GALNT10: variants seen among roughly 807,000 people sequenced by gnomAD.
GALNT10 encodes the protein GalNAc transferase 10.
A neutral mutation model predicts 75.0 loss-of-function variants in GALNT10; 41 were observed. The observed-to-expected ratio is 0.55, with a 90% CI of 0.43 to 0.71. The LOEUF is 0.71. Among genes scored for constraint, GALNT10 ranks in the 30% least tolerant of loss-of-function variants. The pLI, the probability that GALNT10 is intolerant of heterozygous loss-of-function variation, is 0.00. For synonymous variants in GALNT10, 302 were observed against 313.0 expected, an observed-to-expected ratio of 0.96 and a Z score of 0.37; for missense variants, 727 against 818.5, an observed-to-expected ratio of 0.89 and a Z score of 1.36.
chr5:154,322,762 T>TC (rs897754753), intron 3 of GALNT10, among the ~76,000 whole-genome samples: 2 of 151,946 alleles, frequency 1.3e-5, no homozygotes, highest in Non-Finnish European at 1.5e-5. Flanking sequence ...TTCCTGAGAC[T>TC]CCCCCTCCTG....
chr5:154,382,005 C>T (rs1050186968), intron 6 of GALNT10, among the ~76,000 whole-genome samples: 9 of 152,204 alleles, frequency 5.9e-5, no homozygotes, highest in South Asian at 2.1e-4. Context: ...TCACAGGTTC[C>T]GGAGATTCAG....
intron 6 of GALNT10, among the ~76,000 whole-genome samples, chr5:154,381,049 G>A (rs1274087734): frequency 6.6e-6 from 1 of 152,142 alleles, no homozygotes; most frequent in African/African-American, 2.4e-5. Context: ...TTTCCAAATG[G>A]GGACACCAAT....
chr5:154,404,498 G>A lies in GALNT10; in HGVS notation c.1164+287G>A, dbSNP rs115752539. Among the ~76,000 whole-genome samples the A allele has an allele frequency of 3.3e-3, 507 of 152,334 alleles. 3 individuals are homozygous for A. Among genetic ancestry groups the A allele is most frequent in the African/African-American group, 0.012 (479 of 41,572 alleles). On this transcript the variant is annotated intron_variant, in intron 8 of 11. Coordinates refer to ENST00000297107, the MANE Select transcript of GALNT10 (RefSeq NM_198321.4). The stretch of plus-strand genomic sequence containing the variant: ...CTCCCAGCATTGCCAGGAGAATTAA[G>A]GAGGTGATACTGTTTCCCAGAGTGT...
At position 154,337,540 on chromosome 5, in the gene GALNT10, C is replaced by G. The variant is rs545503250; in HGVS notation, c.568+7802C>G. ...TAGGCACCTTGGTTTCATGGTTTGG[C>G]GAAGTATTGGCCTCCATCACCATAG... On this transcript the variant is annotated intron_variant, in intron 4 of 11. Coordinates refer to ENST00000297107, the MANE Select transcript of GALNT10 (RefSeq NM_198321.4). The G allele has an allele frequency of 8.0e-6, 6 of 748,896 alleles. No individual in the cohort carries two copies. The Admixed American group carries it at 8.6e-5, about 11-fold the overall frequency. 46.4% of individuals were successfully genotyped at this position (748,896 alleles called of 1,614,324 possible).
chr5:154,385,219 C>T (rs77872501), intron 6 of GALNT10, among the ~76,000 whole-genome samples: 11,583 of 152,242 alleles, frequency 0.076, 603 homozygotes, highest in Middle Eastern at 0.19. Context: ...ACTCTGATAG[C>T]TTTTCACACA....
intron 5 of GALNT10, among the ~76,000 whole-genome samples, chr5:154,378,509 G>A (rs1755690142): frequency 6.6e-6 from 1 of 152,178 alleles, no homozygotes; most frequent in Non-Finnish European, 1.5e-5. Context: ...TCCCACTTCT[G>A]AGCTGCCCTC....
At position 154,294,970 on chromosome 5, in the gene GALNT10, A is replaced by C. The variant is rs757873306; in HGVS notation, c.262+52A>C. 22 of 852,914 alleles carry C rather than the reference A, an allele frequency of 2.6e-5. 1 individual carries two copies. The Middle Eastern group carries it at 6.6e-4, about 26-fold the overall frequency. 52.8% of individuals were successfully genotyped at this position (852,914 alleles called of 1,614,324 possible). Reference sequence around the variant, plus strand: ...TGGGCTCTGTGAAGGGCATATGCACATATGCTTGTGTGTGTGTGTGTGTGT... The same window carrying C: ...TGGGCTCTGTGAAGGGCATATGCACCTATGCTTGTGTGTGTGTGTGTGTGT... On this transcript the variant is annotated intron_variant, in intron 2 of 11. Transcript: ENST00000297107.
intron 1 of GALNT10, among the ~76,000 whole-genome samples, chr5:154,254,876 C>G (rs1753583461): frequency 6.6e-6 from 1 of 152,152 alleles, no homozygotes; most frequent in Non-Finnish European, 1.5e-5. Flanking sequence ...ATAATGTCAT[C>G]AGGGACCTGG....
At chr5:154,404,847 C>A (rs188902576) in intron 8 of GALNT10, among the ~76,000 whole-genome samples, 1 of 152,326 alleles carries the variant, frequency 6.6e-6, no homozygotes, top group East Asian at 1.9e-4. Context: ...CTGCCAAAAC[C>A]TCTGCATGTC....
intron 1 of GALNT10, among the ~76,000 whole-genome samples, chr5:154,291,717 C>T (rs1754198015): frequency 6.6e-6 from 1 of 152,188 alleles, no homozygotes; most frequent in Admixed American, 6.5e-5. Context: ...AATAACTTCT[C>T]CCATGTCCTC....
chr5:154,412,959 A>G lies in GALNT10; in HGVS notation c.1457A>G (p.Glu486Gly), dbSNP rs917161082. ...HGALGSPLRL[E>G]GCVRGRGEAA... Reference sequence around the variant, plus strand: ...GCCTTGGGCTCCCCACTAAGGCTAGAGGGCTGCGTCCGAGGCCGTGGGGAG... The same window carrying G: ...GCCTTGGGCTCCCCACTAAGGCTAGGGGGCTGCGTCCGAGGCCGTGGGGAG... Residue 486 changes from glutamate (E) to glycine (G), a missense_variant, in exon 10 of 12, where the codon GAG becomes GGG. Coordinates refer to ENST00000297107, the MANE Select transcript of GALNT10 (RefSeq NM_198321.4). This position sits in a 1 kb window ranked among gnomAD's most constrained non-coding sequence, Gnocchi z 4.2. The G allele has an allele frequency of 6.2e-7, 1 of 1,613,484 alleles. No individual in the cohort carries two copies. Among genetic ancestry groups the G allele is most frequent in the Non-Finnish European group, 8.5e-7 (1 of 1,179,634 alleles).
intron 6 of GALNT10, among the ~76,000 whole-genome samples, chr5:154,383,824 A>G (rs754762482): frequency 8.5e-5 from 13 of 152,212 alleles, no homozygotes; most frequent in African/African-American, 3.1e-4. Flanking sequence ...ATTTTCTTAT[A>G]GTACTGGGTA....
In GALNT10 at chr5:154,376,510, G is replaced by T. The variant is rs1400045551; in HGVS notation, c.754+48G>T. On this transcript the variant is annotated intron_variant, in intron 5 of 11. Coordinates refer to ENST00000297107, the MANE Select transcript of GALNT10 (RefSeq NM_198321.4). The surrounding 1 kb of genome is among the most constrained non-coding windows in gnomAD (Gnocchi z 4.1). Reference sequence around the variant, plus strand: ...GAGGGAGGCAAACTGCAATGAGCCAGTGCCAGTGGCCCCCTCCTGCTGCAG... The same window carrying T: ...GAGGGAGGCAAACTGCAATGAGCCATTGCCAGTGGCCCCCTCCTGCTGCAG... 3 of 1,392,666 alleles carry T rather than the reference G, an allele frequency of 2.2e-6. No homozygotes were observed. The highest frequency in any genetic ancestry group is 2.9e-6 in the Non-Finnish European group (3 of 1,022,124). 86.3% of individuals were successfully genotyped at this position (1,392,666 alleles called of 1,614,324 possible).
chr5:154,215,879 C>T (rs1272058509), intron 1 of GALNT10, among the ~76,000 whole-genome samples: 2 of 152,214 alleles, frequency 1.3e-5, no homozygotes, highest in South Asian at 4.1e-4. Flanking sequence ...TGGCAGGGCC[C>T]TCTTAGCTCT....
At chr5:154,389,192 C>CAATTTTTATGAGTCAT (rs1349652639) in intron 7 of GALNT10, 4 of 151,700 alleles carry the variant, frequency 2.6e-5, no homozygotes, top group Non-Finnish European at 2.9e-5. Flanking sequence ...ACTATGAGAC[C>CAATTTTTATGAGTCAT]AATTTTTATG....
chr5:154,235,504 G>A (rs1229681491), intron 1 of GALNT10, among the ~76,000 whole-genome samples: 1 of 152,144 alleles, frequency 6.6e-6, no homozygotes, highest in Non-Finnish European at 1.5e-5. Flanking sequence ...TTTGAGAACA[G>A]GAGTTCTCAA....
chr5:154,341,840 A>T (rs570553429), intron 4 of GALNT10, among the ~76,000 whole-genome samples: 1 of 152,192 alleles, frequency 6.6e-6, no homozygotes, highest in South Asian at 2.1e-4. Flanking sequence ...CTGCAGGGGG[A>T]TGGAGAACGT....
chr5:154,404,926 A>G (rs193229715), intron 8 of GALNT10, among the ~76,000 whole-genome samples: 153 of 152,360 alleles, frequency 1.0e-3, no homozygotes, highest in South Asian at 3.1e-3. Context: ...ACTGGCTGCA[A>G]ATGGAAATCT....
intron 1 of GALNT10, among the ~76,000 whole-genome samples, chr5:154,281,332 T>C (rs1754036026): frequency 6.6e-6 from 1 of 152,262 alleles, no homozygotes; most frequent in Non-Finnish European, 1.5e-5. Flanking sequence ...ATCAGTATTT[T>C]AACATCAGTT....
Sources: gnomAD v4.1 joint callset for allele counts (sites outside exome capture counted in the v4.1 genomes callset) on GRCh38, gnomAD v4.1.1 for gene constraint, Gnocchi (gnomAD v3.1) non-coding constraint, MANE v1.5 for transcripts, NCBI Gene and HGNC (gene_info 2026-07-23, HGNC 2026-07-21) for gene names.